Variants in CXorf58 observed in about 807,000 individuals in gnomAD.
CXorf58 encodes the protein uncharacterized protein CXorf58.
Under a neutral mutation model 26.0 loss-of-function variants are expected in CXorf58, and 24 were observed. The observed-to-expected ratio is 0.92, with a 90% confidence interval of 0.67 to 1.30. The LOEUF (loss-of-function observed/expected upper bound fraction) is 1.30. CXorf58 is among the 50% of genes most tolerant of loss of function. CXorf58 has a pLI of 0.00. For synonymous variants in CXorf58, 87 were observed against 86.1 expected (o/e 1.01, Z -0.06); for missense variants, 236 against 263.9 (o/e 0.89, Z 0.73).
At chrX:23,916,500 T>TAA (rs11446281) in intron 5 of CXorf58, 172 bp downstream of exon 5, 4,801 of 111,549 alleles carry the variant, frequency 0.043, 447 homozygotes, top group African/African-American at 0.22. Flanking sequence ...ACTTACTAGC[T>TAA]AAAAAAAAAA....
At chrX:23,909,783 A>G (rs1396818358) in intron 1 of CXorf58, among the ~76,000 whole-genome samples, 1 of 112,230 alleles carries the variant, frequency 8.9e-6, no homozygotes, top group East Asian at 2.8e-4. Context: ...CTCTCACTTT[A>G]CCAAGGAGGG....
At chrX:23,935,876 G>A (rs1182693797) in intron 7 of CXorf58, among the ~76,000 whole-genome samples, 1 of 110,082 alleles carries the variant, frequency 9.1e-6, no homozygotes, top group Non-Finnish European at 1.9e-5. Flanking sequence ...GGGTTCAAGC[G>A]ATTCTCCTGC....
At chrX:23,928,184 C>A (rs1478854184) in intron 6 of CXorf58, among the ~76,000 whole-genome samples, 1 of 103,920 alleles carries the variant, frequency 9.6e-6, no homozygotes, top group East Asian at 3.0e-4. Flanking sequence ...GAGTTACATA[C>A]TTTTTTTTTT....
intron 2 of CXorf58, among the ~76,000 whole-genome samples, chrX:23,911,507 A>T (rs976271383): frequency 1.8e-5 from 2 of 110,589 alleles, no homozygotes; most frequent in African/African-American, 6.6e-5. Flanking sequence ...ATGCCTTTTG[A>T]TGACAAAGTT....
chrX:23,939,330 CAG>C lies in CXorf58; in HGVS notation c.*30_*31del, dbSNP rs764240291. 4.7e-5 allele frequency: 50 copies of C among 1,060,797 alleles called. No homozygotes were observed. Among genetic ancestry groups the C allele is most frequent in the Non-Finnish European group, 6.2e-5 (48 of 777,721 alleles). The allele number at this position is 1,060,797 out of a possible 1,213,427, so 87.4% of individuals were successfully genotyped here. ...ATTGTGAAAACTAAGGAATCTATGT[CAG>C]AGTGTCAGCTGGAAAAAGAAAAAAG... On this transcript the variant is annotated 3_prime_UTR_variant, in exon 9 of 9. Coordinates refer to ENST00000379211, the MANE Select transcript of CXorf58 (RefSeq NM_152761.3).
intron 5 of CXorf58, among the ~76,000 whole-genome samples, chrX:23,917,422 CTTTA>C (rs1053598225): frequency 8.3e-5 from 9 of 108,251 alleles, no homozygotes; most frequent in South Asian, 4.2e-4. Context: ...TTATTTATTT[CTTTA>C]TTTATTTTGA....
intron 2 of CXorf58, among the ~76,000 whole-genome samples, chrX:23,910,933 T>C (rs186431534): frequency 9.2e-6 from 1 of 109,023 alleles, no homozygotes; most frequent in African/African-American, 3.3e-5. Context: ...GCCTGGCTAA[T>C]TTTTATATTT....
At chrX:23,933,148 A>G (rs777733698) in intron 6 of CXorf58, among the ~76,000 whole-genome samples, 121 of 110,156 alleles carry the variant, frequency 1.1e-3, no homozygotes, top group African/African-American at 3.7e-3. Context: ...GGAAAAAAAA[A>G]AAGATGAAAT....
intron 7 of CXorf58, among the ~76,000 whole-genome samples, chrX:23,936,600 T>C (rs1486447155): frequency 1.8e-5 from 2 of 112,158 alleles, no homozygotes; most frequent in Non-Finnish European, 3.8e-5. Context: ...GATAATAATA[T>C]GTAAGAGGAC....
At chrX:23,910,811 G>C (rs181401314) in intron 2 of CXorf58, among the ~76,000 whole-genome samples, 1,325 of 96,175 alleles carry the variant, frequency 0.014, 26 homozygotes, top group African/African-American at 0.05. Context: ...TGCCACCCAG[G>C]CTGGAGTGCA....
At chrX:23,914,869 T>A (rs1375166211) in intron 3 of CXorf58, among the ~76,000 whole-genome samples, 2 of 107,206 alleles carry the variant, frequency 1.9e-5, no homozygotes, top group African/African-American at 6.9e-5. Flanking sequence ...GAGTGGTGGC[T>A]CACACCTGTA....
At chrX:23,908,668 A>C (rs1376584852) in intron 1 of CXorf58, among the ~76,000 whole-genome samples, 1 of 112,056 alleles carries the variant, frequency 8.9e-6, no homozygotes, top group East Asian at 2.8e-4. Flanking sequence ...ACTGTCTCAT[A>C]ATGAGGATGT....
chrX:23,918,665 AG>A (rs1351685974), intron 5 of CXorf58, among the ~76,000 whole-genome samples: 1 of 112,082 alleles, frequency 8.9e-6, no homozygotes, highest in East Asian at 2.8e-4. Context: ...TACTATTACC[AG>A]TGAATTTTGT....
chrX:23,912,929 C>T (rs1251589890), intron 3 of CXorf58, among the ~76,000 whole-genome samples: 1 of 110,773 alleles, frequency 9.0e-6, no homozygotes, highest in Non-Finnish European at 1.9e-5. Context: ...TAGTGTTAAA[C>T]TTTGCAGCTT....
intron 3 of CXorf58, among the ~76,000 whole-genome samples, chrX:23,915,077 T>C (rs1927685601): frequency 8.9e-6 from 1 of 112,487 alleles, no homozygotes; most frequent in African/African-American, 3.2e-5. Context: ...GAGGTTGCAG[T>C]GAGCCGAGAT....
rs772581108 is a variant in CXorf58, at chrX:23,908,105, C to T, written c.-245C>T. 7.1e-5 allele frequency: 9 copies of T among 127,621 alleles called. No individual in the cohort carries two copies. The highest frequency in any genetic ancestry group is 6.4e-4 in the South Asian group (2 of 3,104). The allele number at this position is 127,621 out of a possible 1,213,427, so 10.5% of individuals were successfully genotyped here. On this transcript the variant is annotated 5_prime_UTR_variant, in exon 1 of 9. Coordinates refer to ENST00000379211, the MANE Select transcript of CXorf58 (RefSeq NM_152761.3). ...GCGACTGGGCGCCCAGCGGCGTGTA[C>T]TGGGATTTCTGTGAGCAGAGGCTGC... is the stretch of plus-strand genomic sequence containing the variant.
intron 6 of CXorf58, among the ~76,000 whole-genome samples, chrX:23,934,408 AT>A (rs1341926213): frequency 1.9e-5 from 2 of 107,245 alleles, no homozygotes; most frequent in Admixed American, 1.0e-4. Context: ...CAACCAATCA[AT>A]TTTTTTTTTG....
chrX:23,919,225 A>G (rs927882040), intron 5 of CXorf58, among the ~76,000 whole-genome samples: 3 of 111,042 alleles, frequency 2.7e-5, no homozygotes, highest in Non-Finnish European at 5.7e-5. Flanking sequence ...TTTTGAGGCT[A>G]TTTTCTAGAT....
At chrX:23,932,555 A>G (rs1172716822) in intron 6 of CXorf58, among the ~76,000 whole-genome samples, 3 of 112,367 alleles carry the variant, frequency 2.7e-5, no homozygotes, top group African/African-American at 9.7e-5. Context: ...AAAATGCAAC[A>G]CAACTATATA....
Sources: gnomAD v4.1 joint callset for allele counts (sites outside exome capture counted in the v4.1 genomes callset) on GRCh38, gnomAD v4.1.1 for gene constraint, MANE v1.5 for transcripts, NCBI Gene and HGNC (gene_info 2026-07-23, HGNC 2026-07-21) for gene names.